ZNF469: variants seen among roughly 807,000 people sequenced by gnomAD.
The protein encoded by ZNF469 is zinc finger protein 469.
In ZNF469, 1 loss-of-function variant was observed where a neutral mutation model predicts 1.0. The observed-to-expected ratio is 1.00, with a 90% confidence interval of 0.35 to 4.73. The LOEUF (loss-of-function observed/expected upper bound fraction) is 4.73, where lower values mean the gene tolerates loss of function less well. Among genes scored for constraint, ZNF469 ranks in the 30% most tolerant of loss-of-function variants. The pLI is 0.16. For synonymous variants in ZNF469, 2,703 were observed against 2,363.4 expected, an observed-to-expected ratio of 1.14 and a Z score of -4.17; for missense variants, 6,100 against 5,356.3, an observed-to-expected ratio of 1.14 and a Z score of -4.33.
the ZNF469 span, among the ~76,000 whole-genome samples, chr16:88,352,624 C>T: frequency 1.3e-5 from 2 of 152,218 alleles, no homozygotes; most frequent in Non-Finnish European, 2.9e-5. Flanking sequence ...TAGACGGGGC[C>T]GATGGTGGGC....
intron 1 of ZNF469, among the ~76,000 whole-genome samples, chr16:88,398,674 ACACGTGAGCCACAGGTGGAAAGGG>A (rs928383334): frequency 2.1e-5 from 3 of 144,828 alleles, no homozygotes; most frequent in African/African-American, 5.3e-5. Flanking sequence ...AGATGAGGGG[ACACGTGAGCCACAGGTGGAAAGGG>A]CATGTGAGCC....
intron 1 of ZNF469, among the ~76,000 whole-genome samples, chr16:88,405,086 C>T (rs929312716): frequency 2.0e-5 from 3 of 152,114 alleles, no homozygotes; most frequent in African/African-American, 7.2e-5. Flanking sequence ...AGGGTAGCTC[C>T]ACACAGCATG....
chr16:88,107,024 T>G, the ZNF469 span, among the ~76,000 whole-genome samples: 5 of 152,106 alleles, frequency 3.3e-5, no homozygotes, highest in South Asian at 2.1e-4. Flanking sequence ...GCAGCGAGGG[T>G]CACGAGTTCT....
chr16:88,356,505 C>G, the ZNF469 span, among the ~76,000 whole-genome samples: 1 of 150,890 alleles, frequency 6.6e-6, no homozygotes, highest in South Asian at 2.1e-4. Flanking sequence ...TGTGTGTGTA[C>G]ATGTGCCTGT....
the ZNF469 span, among the ~76,000 whole-genome samples, chr16:88,253,727 C>T: frequency 1.3e-5 from 2 of 152,046 alleles, no homozygotes; most frequent in African/African-American, 4.8e-5. Flanking sequence ...TTAGTAGAGA[C>T]AGGGTTTCAC....
At position 88,432,398 on chromosome 16, in the gene ZNF469, C is replaced by T; in HGVS notation, c.4928C>T (p.Ala1643Val). ...GCACATCGGGAGGGTGCGGAATCGG[C>T]TGTGGCCACCGTGGAAGCGGTTCAG... ...STAHREGAES[A>V]VATVEAVQGR... is the part of the protein sequence containing the mutation. Residue 1643 changes from alanine to valine, a missense_variant, in exon 3 of 3, where the codon GCT (alanine) becomes GTT (valine). Transcript: ENST00000565624. The T allele has an allele frequency of 6.5e-7, 1 of 1,549,722 alleles. No homozygotes were observed. The highest frequency in any genetic ancestry group is 8.7e-7 in the Non-Finnish European group (1 of 1,146,858).
chr16:88,105,688 C>T, the ZNF469 span, among the ~76,000 whole-genome samples: 80 of 152,306 alleles, frequency 5.3e-4, no homozygotes, highest in South Asian at 1.7e-3. Context: ...TAATTGGGAA[C>T]GGATGAAGAG....
chr16:88,291,955 G>T, the ZNF469 span, among the ~76,000 whole-genome samples: 1 of 152,178 alleles, frequency 6.6e-6, no homozygotes, highest in Non-Finnish European at 1.5e-5. Context: ...ATGGCTGCTG[G>T]CTGCCCAGGG....
chr16:88,252,518 T>C, the ZNF469 span, among the ~76,000 whole-genome samples: 3 of 151,714 alleles, frequency 2.0e-5, no homozygotes, highest in Admixed American at 2.0e-4. Context: ...CATCTCTTTA[T>C]AGAGTATTTA....
chr16:88,354,285 A>G, the ZNF469 span, among the ~76,000 whole-genome samples: 3 of 152,184 alleles, frequency 2.0e-5, no homozygotes, highest in Non-Finnish European at 2.9e-5. Context: ...GGTGCCTGGC[A>G]TCCTGGGGCC....
the ZNF469 span, among the ~76,000 whole-genome samples, chr16:88,137,124 G>A: frequency 6.6e-6 from 1 of 152,172 alleles, no homozygotes; most frequent in Non-Finnish European, 1.5e-5. Context: ...ATACAGCCAT[G>A]TGCACATACA....
chr16:88,262,918 G>A, the ZNF469 span, among the ~76,000 whole-genome samples: 244 of 152,354 alleles, frequency 1.6e-3, 1 homozygote, highest in African/African-American at 5.7e-3. This position sits in a 1 kb window ranked among gnomAD's most constrained non-coding sequence, Gnocchi z 4.3. Context: ...AGCCTCCTAC[G>A]GATGAGCTCT....
At chr16:88,271,899 G>A in the ZNF469 span, among the ~76,000 whole-genome samples, 6 of 152,210 alleles carry the variant, frequency 3.9e-5, no homozygotes, top group East Asian at 1.2e-3. Context: ...GTGAGTGGAT[G>A]GACAGATGGA....
the ZNF469 span, among the ~76,000 whole-genome samples, chr16:88,270,514 A>T: frequency 6.6e-6 from 1 of 151,864 alleles, no homozygotes; most frequent in Non-Finnish European, 1.5e-5. Context: ...TATCATGCAG[A>T]CTCCCTGGGC....
At chr16:88,363,834 T>C in the ZNF469 span, among the ~76,000 whole-genome samples, 25,811 of 152,112 alleles carry the variant, frequency 0.17, 2,476 homozygotes, top group African/African-American at 0.26. Context: ...CTCTGAGTCG[T>C]TGTTTTCTGG....
the ZNF469 span, among the ~76,000 whole-genome samples, chr16:88,140,464 G>A: frequency 3.3e-5 from 5 of 152,092 alleles, no homozygotes; most frequent in African/African-American, 7.2e-5. Context: ...AAATCGGGGG[G>A]TAGCACGGAA....
At chr16:88,185,468 TCA>T in the ZNF469 span, among the ~76,000 whole-genome samples, 15 of 133,072 alleles carry the variant, frequency 1.1e-4, no homozygotes, top group East Asian at 2.1e-3. Flanking sequence ...AGACCCACAC[TCA>T]CACATTTGCA....
the ZNF469 span, among the ~76,000 whole-genome samples, chr16:88,251,412 A>T: frequency 6.6e-6 from 1 of 152,114 alleles, no homozygotes; most frequent in Non-Finnish European, 1.5e-5. Flanking sequence ...CTATGTCGGC[A>T]GCAGCTCTGG....
At chr16:88,157,778 G>A in the ZNF469 span, among the ~76,000 whole-genome samples, 3 of 152,092 alleles carry the variant, frequency 2.0e-5, no homozygotes, top group Non-Finnish European at 4.4e-5. Context: ...GGCTCCAGGT[G>A]GGGGCTCCCT....
Sources: allele counts gnomAD v4.1 joint callset (sites outside exome capture counted in the v4.1 genomes callset), GRCh38; gene constraint gnomAD v4.1.1; non-coding constraint Gnocchi (gnomAD v3.1); transcripts MANE v1.5; gene names NCBI Gene and HGNC (gene_info 2026-07-23, HGNC 2026-07-21).